Variants in CBFA2T3 observed in about 807,000 individuals in gnomAD.
The protein encoded by CBFA2T3 is transcriptional corepressor CBFA2T3.
CBFA2T3 carries 31 observed loss-of-function variants against 58.6 expected under a neutral mutation model. The ratio of observed to expected loss-of-function variants is 0.53; its 90% CI spans 0.40 to 0.71. The LOEUF (loss-of-function observed/expected upper bound fraction) is 0.71. Among genes scored for constraint, CBFA2T3 ranks in the 30% least tolerant of loss-of-function variants. CBFA2T3 has a pLI of 0.00. For missense variants in CBFA2T3, 1,076 were observed against 963.1 expected (o/e 1.12, Z -1.55); for synonymous variants, 531 against 421.9 (o/e 1.26, Z -3.17).
intron 1 of CBFA2T3, among the ~76,000 whole-genome samples, chr16:88,909,016 CG>C (rs1224364769): frequency 2.0e-5 from 3 of 152,222 alleles, no homozygotes; most frequent in East Asian, 1.9e-4. Context: ...TCCCGGGGAG[CG>C]GGGGGCACCG....
intron 3 of CBFA2T3, among the ~76,000 whole-genome samples, chr16:88,892,963 C>T (rs1272840604): frequency 4.6e-5 from 7 of 152,196 alleles, no homozygotes; most frequent in Non-Finnish European, 1.0e-4. Context: ...GAGACACCAA[C>T]CCTACCAGGC....
intron 1 of CBFA2T3, among the ~76,000 whole-genome samples, chr16:88,974,195 G>A (rs780864782): frequency 1.3e-5 from 2 of 152,172 alleles, no homozygotes; most frequent in Admixed American, 6.5e-5. Context: ...TCTGACCTCC[G>A]CCTCTTCTTC....
intron 1 of CBFA2T3, chr16:88,950,218 C>G (rs1248132725): frequency 2.3e-6 from 1 of 440,236 alleles, no homozygotes; most frequent in African/African-American, 2.1e-5. Flanking sequence ...TGGACCGGCA[C>G]CGCCACAGAG....
intron 1 of CBFA2T3, among the ~76,000 whole-genome samples, chr16:88,928,504 C>A (rs535973593): frequency 6.6e-6 from 1 of 152,224 alleles, no homozygotes; most frequent in African/African-American, 2.4e-5. Context: ...TCAAATACGA[C>A]GGCAGCTTGC....
In CBFA2T3 at chr16:88,885,969, C is replaced by A. The variant is rs141057043; in HGVS notation, c.885G>T (p.Thr295=). The change falls in exon 6 of 12, where the codon ACG becomes ACT. Residue 295 remains threonine (T), a synonymous_variant. Coordinates refer to ENST00000268679, the MANE Select transcript of CBFA2T3 (RefSeq NM_005187.6). The surrounding 1 kb of genome is among the most constrained non-coding windows in gnomAD (Gnocchi z 5.3). The part of the protein sequence containing the change: ...LEVNENGKRR[T]PDRTKENGSD... The stretch of plus-strand genomic sequence containing the variant: ...CCGGAGCCCACAGGTACCTGTCGGG[C>A]GTCCTCCTCTTGCCGTTCTCGTTGA... 6.5e-6 allele frequency: 10 copies of A among 1,549,054 alleles called. No homozygotes were observed. In the East Asian group the frequency reaches 9.7e-5, roughly 15 times the overall value.
chr16:88,903,031 C>T (rs908675161), intron 1 of CBFA2T3, among the ~76,000 whole-genome samples: 2 of 152,196 alleles, frequency 1.3e-5, no homozygotes, highest in African/African-American at 4.8e-5. Context: ...ACAGGTGAGG[C>T]CACAGTTGGG....
chr16:88,931,970 CAGGTCAT>C (rs1971322665), intron 1 of CBFA2T3, among the ~76,000 whole-genome samples: 1 of 152,102 alleles, frequency 6.6e-6, no homozygotes, highest in South Asian at 2.1e-4. Context: ...TCTGGACAGC[CAGGTCAT>C]AGGTCATGCT....
chr16:88,897,983 G>A, intron 3 of CBFA2T3, 95 bp downstream of exon 3: 1 of 903,266 alleles, frequency 1.1e-6, no homozygotes, highest in South Asian at 1.3e-5. Flanking sequence ...CCGGGGAGGA[G>A]AGCTGAGCGC....
chr16:88,942,465 C>T (rs1419493914), intron 1 of CBFA2T3, among the ~76,000 whole-genome samples: 1 of 152,214 alleles, frequency 6.6e-6, no homozygotes, highest in Non-Finnish European at 1.5e-5. Flanking sequence ...AATATGGCAA[C>T]GTGCGAAACA....
In CBFA2T3 at chr16:88,885,651, C is replaced by G. The variant is rs902000156; in HGVS notation, c.893+310G>C. 1.4e-5 allele frequency: 6 copies of G among 436,080 alleles called. No individual in the cohort carries two copies. Among genetic ancestry groups the G allele is most frequent in the African/African-American group, 1.2e-4 (6 of 48,786 alleles). 27.0% of individuals were successfully genotyped at this position (436,080 alleles called of 1,614,324 possible). A position where few individuals can be genotyped will look rare whatever the true frequency, so the allele number is the denominator to read the frequency against. ...CAGCAGAGGGGGCCCAGCCCAGGCA[C>G]CTGGGGACCATGGACCCCGGACGCT... On this transcript the variant is annotated intron_variant, in intron 6 of 11. Coordinates refer to ENST00000268679, the MANE Select transcript of CBFA2T3 (RefSeq NM_005187.6). The surrounding 1 kb of genome is among the most constrained non-coding windows in gnomAD (Gnocchi z 5.3).
chr16:88,881,282 C>G lies in CBFA2T3; in HGVS notation c.1402+9G>C. On this transcript the variant is annotated intron_variant, in intron 9 of 11. Coordinates refer to ENST00000268679, the MANE Select transcript of CBFA2T3 (RefSeq NM_005187.6). ...GTGTCTGCTCCCTCCCCCCACACCC[C>G]ACACGCACCTAGCTGAGGCCCTTCG... 1 of 1,594,898 alleles carries G rather than the reference C, an allele frequency of 6.3e-7. No individual in the cohort carries two copies. The highest frequency in any genetic ancestry group is 8.5e-7 in the Non-Finnish European group (1 of 1,172,354).
chr16:88,910,211 CG>C (rs979771378), intron 1 of CBFA2T3, among the ~76,000 whole-genome samples: 1 of 152,218 alleles, frequency 6.6e-6, no homozygotes, highest in Non-Finnish European at 1.5e-5. Context: ...ACCAGGTCCC[CG>C]CAAGTCTGCC....
chr16:88,901,747 C>T lies in CBFA2T3; in HGVS notation c.152-91G>A, dbSNP rs1252438228. ...CCCACGGTTCCCAGCGAAGGCCCCA[C>T]TGAGTGTCCGCCCAGCGCTGGGGCA... On this transcript the variant is annotated intron_variant, in intron 1 of 11. Coordinates refer to ENST00000268679, the MANE Select transcript of CBFA2T3 (RefSeq NM_005187.6). 4 of 1,203,870 alleles carry T rather than the reference C, an allele frequency of 3.3e-6. No homozygotes were observed. The South Asian group carries it at 6.4e-5, about 19-fold the overall frequency. 74.6% of individuals were successfully genotyped at this position (1,203,870 alleles called of 1,614,324 possible).
rs1298382529 is a variant in CBFA2T3, at chr16:88,927,091, TCG to T, written c.152-25437_152-25436del. ...CACGGCCCTTGGTGGGGCAACATCA[TCG>T]CTGCTCCCTTCCTTCACTCTGTCTC... On this transcript the variant is annotated intron_variant, in intron 1 of 11. Transcript: ENST00000268679. Among the ~76,000 whole-genome samples, 11 of 152,178 alleles carry T rather than the reference TCG, an allele frequency of 7.2e-5. No individual in the cohort carries two copies. The East Asian group carries it at 2.1e-3, about 29-fold the overall frequency.
At chr16:88,906,114 C>T (rs1274712623) in intron 1 of CBFA2T3, among the ~76,000 whole-genome samples, 1 of 152,108 alleles carries the variant, frequency 6.6e-6, no homozygotes, top group African/African-American at 2.4e-5. Context: ...CTATTATTAT[C>T]CTCCTCTATC....
rs570889073 is a variant in CBFA2T3, at chr16:88,894,563, C to G, written c.380-2078G>C. On this transcript the variant is annotated intron_variant, in intron 3 of 11. Coordinates refer to ENST00000268679, the MANE Select transcript of CBFA2T3 (RefSeq NM_005187.6). ...CACACAATGTACACACATGCACACA[C>G]ACATGCACACACACATGCATACATA... 6.5e-4 allele frequency among the ~76,000 whole-genome samples: 97 copies of G among 149,220 alleles called. 2 individuals carry two copies. The highest frequency in any genetic ancestry group is 2.3e-3 in the African/African-American group (91 of 40,098).
chr16:88,886,167 G>C, intron 5 of CBFA2T3, 25 bp from the exon 6 acceptor site: 1 of 1,502,226 alleles, frequency 6.7e-7, no homozygotes. Context: ...AGGAGGGCCT[G>C]GGTAGCATGC....
chr16:88,895,517 C>T (rs1969850153), intron 3 of CBFA2T3, among the ~76,000 whole-genome samples: 1 of 152,178 alleles, frequency 6.6e-6, no homozygotes, highest in African/African-American at 2.4e-5. Context: ...CCCCAGATTG[C>T]CTCCCGTCCC....
chr16:88,892,846 G>A (rs533090083), intron 3 of CBFA2T3, among the ~76,000 whole-genome samples: 10 of 152,330 alleles, frequency 6.6e-5, no homozygotes, highest in Non-Finnish European at 7.3e-5. Context: ...GAATGACTGC[G>A]TTCTGAGTGT....
Sources: allele counts gnomAD v4.1 joint callset (sites outside exome capture counted in the v4.1 genomes callset), GRCh38; gene constraint gnomAD v4.1.1; non-coding constraint Gnocchi (gnomAD v3.1); transcripts MANE v1.5; gene names NCBI Gene and HGNC (gene_info 2026-07-23, HGNC 2026-07-21).